The following LDLRAD4 variants were observed in gnomAD, a reference collection of about 807,000 sequenced individuals.
The protein encoded by LDLRAD4 is low-density lipoprotein receptor class A domain-containing protein 4.
A neutral mutation model predicts 17.0 loss-of-function variants in LDLRAD4; 5 were observed. The ratio of observed to expected loss-of-function variants is 0.29; its 90% CI spans 0.15 to 0.62. The LOEUF (loss-of-function observed/expected upper bound fraction) is 0.62. LDLRAD4 is among the 20% of genes least tolerant of loss of function. The probability of loss-of-function intolerance (pLI) is 0.84; values close to 1 mark genes in which losing one functional copy is unlikely to be tolerated. For missense variants in LDLRAD4, 340 were observed against 424.7 expected, an observed-to-expected ratio of 0.80 and a Z score of 1.75; for synonymous variants, 168 against 171.8, an observed-to-expected ratio of 0.98 and a Z score of 0.17.
chr18:13,296,895 T>G (rs2046309244), intron 1 of LDLRAD4, among the ~76,000 whole-genome samples: 1 of 152,170 alleles, frequency 6.6e-6, no homozygotes, highest in Non-Finnish European at 1.5e-5. Context: ...CCGTGAGCTT[T>G]GAGGGCAGGC....
At chr18:13,332,226 C>A (rs1239182282) in intron 1 of LDLRAD4, among the ~76,000 whole-genome samples, 1 of 152,144 alleles carries the variant, frequency 6.6e-6, no homozygotes, top group Non-Finnish European at 1.5e-5. Flanking sequence ...ACAAAACATT[C>A]TTTTTTGGGT....
At chr18:13,463,073 C>T (rs764587064) in intron 3 of LDLRAD4, among the ~76,000 whole-genome samples, 3 of 152,120 alleles carry the variant, frequency 2.0e-5, no homozygotes, top group Non-Finnish European at 4.4e-5. Flanking sequence ...GGCCCGAGAC[C>T]AAGAATCTCC....
intron 4 of LDLRAD4, among the ~76,000 whole-genome samples, chr18:13,625,027 A>G (rs992483294): frequency 3.9e-5 from 6 of 152,100 alleles, no homozygotes; most frequent in Non-Finnish European, 8.8e-5. Flanking sequence ...AGGCCCTGGG[A>G]GTCCAGGCCC....
At chr18:13,269,145 G>A (rs60756488) in intron 1 of LDLRAD4, among the ~76,000 whole-genome samples, 4 of 152,182 alleles carry the variant, frequency 2.6e-5, no homozygotes, top group East Asian at 1.9e-4. Flanking sequence ...CTTTGAATGC[G>A]AGAGGGCTGA....
chr18:13,522,855 G>A (rs1381992213), intron 3 of LDLRAD4: 4 of 152,460 alleles, frequency 2.6e-5, no homozygotes, highest in African/African-American at 9.7e-5. Context: ...ATATTTGATA[G>A]TGTTATCTTA....
chr18:13,453,098 G>A (rs2091933275), intron 3 of LDLRAD4, among the ~76,000 whole-genome samples: 2 of 152,338 alleles, frequency 1.3e-5, no homozygotes, highest in African/African-American at 2.4e-5. Context: ...ATGTGCAAAT[G>A]AAATGCAGGA....
chr18:13,473,668 T>TAC (rs1202039311), intron 3 of LDLRAD4, among the ~76,000 whole-genome samples: 7 of 108,884 alleles, frequency 6.4e-5, no homozygotes, highest in South Asian at 3.5e-4. Flanking sequence ...TATATATATA[T>TAC]ATATATATAT....
chr18:13,339,196 T>C (rs1194739590), intron 1 of LDLRAD4, among the ~76,000 whole-genome samples: 1 of 150,762 alleles, frequency 6.6e-6, no homozygotes, highest in Non-Finnish European at 1.5e-5. Context: ...TCTGTTATCC[T>C]TCTGTAGTAT....
intron 1 of LDLRAD4, among the ~76,000 whole-genome samples, chr18:13,263,335 T>C (rs1002430201): frequency 7.9e-5 from 12 of 152,058 alleles, no homozygotes; most frequent in African/African-American, 2.9e-4. Context: ...CTGAGTCCCC[T>C]GTGGCTCTGT....
intron 1 of LDLRAD4, among the ~76,000 whole-genome samples, chr18:13,309,058 C>G (rs2047077726): frequency 6.6e-6 from 1 of 152,120 alleles, no homozygotes; most frequent in Admixed American, 6.5e-5. Flanking sequence ...TTCCATTGCC[C>G]ATAGCTGGAA....
At chr18:13,277,019 C>T (rs530119068), upstream of LDLRAD4, among the ~76,000 whole-genome samples, 296 of 152,300 alleles carry the variant, frequency 1.9e-3, no homozygotes, top group Admixed American at 3.0e-3. Flanking sequence ...TTTCATCTCT[C>T]AGCAGGCAGG....
intron 3 of LDLRAD4, among the ~76,000 whole-genome samples, chr18:13,606,841 T>A (rs928256151): frequency 6.6e-6 from 1 of 152,176 alleles, no homozygotes; most frequent in Non-Finnish European, 1.5e-5. Flanking sequence ...CCTCAAAGAA[T>A]GGGAATTTGT....
At chr18:13,506,348 C>A (rs1018974829) in intron 3 of LDLRAD4, among the ~76,000 whole-genome samples, 5 of 150,872 alleles carry the variant, frequency 3.3e-5, no homozygotes, top group African/African-American at 4.9e-5. Flanking sequence ...TTAGGTATAT[C>A]TCCTAATGCC....
At chr18:13,322,349 G>T (rs1183554122) in intron 1 of LDLRAD4, among the ~76,000 whole-genome samples, 1 of 142,760 alleles carries the variant, frequency 7.0e-6, no homozygotes, top group East Asian at 2.0e-4. Flanking sequence ...TCCCAGGCTG[G>T]AGCGCAGTGG....
chr18:13,586,406 CAAA>C (rs58036819), intron 3 of LDLRAD4, among the ~76,000 whole-genome samples: 7 of 35,116 alleles, frequency 2.0e-4, no homozygotes, highest in East Asian at 1.5e-3. Context: ...GACTCTGTCT[CAAA>C]AAAAAAAAAA....
At chr18:13,276,321 A>G (rs1366882873), upstream of LDLRAD4, among the ~76,000 whole-genome samples, 1 of 152,182 alleles carries the variant, frequency 6.6e-6, no homozygotes, top group Non-Finnish European at 1.5e-5. Flanking sequence ...TTACTAAGTT[A>G]CATTTATCAG....
At chr18:13,619,583 A>G (rs916951612) in intron 3 of LDLRAD4, among the ~76,000 whole-genome samples, 2 of 151,760 alleles carry the variant, frequency 1.3e-5, no homozygotes, top group East Asian at 3.9e-4. Flanking sequence ...CATAGGAAGT[A>G]GACACTCAAA....
rs370199403 is a variant in LDLRAD4 at position 13,548,319 on chromosome 18, C to T, written c.182-72798C>T. ...CACCAGGGACCTGCCCCTTTCCACC[C>T]AGGAGCCTGTCTGCCTCCTGCTGCT... On this transcript the variant is annotated intron_variant, in intron 3 of 5. Transcript: ENST00000359446. 2.6e-5 allele frequency among the ~76,000 whole-genome samples: 4 copies of T among 152,234 alleles called. No individual in the cohort carries two copies. The East Asian group carries it at 7.7e-4, about 29-fold the overall frequency.
At chr18:13,586,411 A>AAAAAAAAAAAAAAAC (rs2094935100) in intron 3 of LDLRAD4, among the ~76,000 whole-genome samples, 1 of 146,624 alleles carries the variant, frequency 6.8e-6, no homozygotes, top group Non-Finnish European at 1.5e-5. Flanking sequence ...TGTCTCAAAA[A>AAAAAAAAAAAAAAAC]AAAAAAAAAA....
Sources: allele counts gnomAD v4.1 joint callset (sites outside exome capture counted in the v4.1 genomes callset), GRCh38; gene constraint gnomAD v4.1.1; transcripts MANE v1.5; gene names NCBI Gene and HGNC (gene_info 2026-07-23, HGNC 2026-07-21).